HSDL2: variants seen among roughly 807,000 people sequenced by gnomAD.
The protein encoded by HSDL2 is hydroxysteroid dehydrogenase-like protein 2.
A neutral mutation model predicts 46.3 loss-of-function variants in HSDL2; 27 were observed. The ratio of observed to expected loss-of-function variants is 0.58; its 90% CI spans 0.43 to 0.80. HSDL2 has a LOEUF of 0.80. Ranked by LOEUF, HSDL2 falls within the 30% of genes least tolerant of loss-of-function variation. The probability of loss-of-function intolerance (pLI) is 0.00; values close to 1 mark genes in which losing one functional copy is unlikely to be tolerated. For synonymous variants in HSDL2, 153 were observed against 163.6 expected (o/e 0.94, Z 0.50); for missense variants, 451 against 502.7 (o/e 0.90, Z 0.98).
intron 1 of HSDL2, among the ~76,000 whole-genome samples, chr9:112,397,798 G>A (rs1035956409): frequency 1.6e-4 from 24 of 152,168 alleles, no homozygotes; most frequent in Non-Finnish European, 3.1e-4. Flanking sequence ...TCAGTACAAA[G>A]AGTCTGTAAT....
At chr9:112,449,958 T>C (rs1832843746) in intron 8 of HSDL2, among the ~76,000 whole-genome samples, 1 of 152,194 alleles carries the variant, frequency 6.6e-6, no homozygotes, top group African/African-American at 2.4e-5. Context: ...CTGCTTTCTT[T>C]GAGGTTGCTT....
At chr9:112,410,831 A>C (rs1313385073) in intron 4 of HSDL2, among the ~76,000 whole-genome samples, 1 of 152,132 alleles carries the variant, frequency 6.6e-6, no homozygotes, top group Non-Finnish European at 1.5e-5. Context: ...TAGGAAGCTG[A>C]AGTGGGGGGA....
At chr9:112,414,591 A>G (rs1325969198) in intron 4 of HSDL2, among the ~76,000 whole-genome samples, 1 of 123,814 alleles carries the variant, frequency 8.1e-6, no homozygotes, top group Non-Finnish European at 1.8e-5. Flanking sequence ...TGTCCCATAG[A>G]TCAAAGGAAA....
intron 9 of HSDL2, among the ~76,000 whole-genome samples, chr9:112,457,732 T>C (rs1833074911): frequency 6.6e-6 from 1 of 152,168 alleles, no homozygotes; most frequent in South Asian, 2.1e-4. Context: ...AACTAGCAGA[T>C]CATTCCTATA....
intron 10 of HSDL2, among the ~76,000 whole-genome samples, chr9:112,462,379 G>A (rs181201678): frequency 6.1e-4 from 92 of 151,522 alleles, no homozygotes; most frequent in Non-Finnish European, 1.1e-3. Flanking sequence ...CATAAGAATC[G>A]CCTGAACCTT....
At chr9:112,394,448 G>A (rs1013442055) in intron 1 of HSDL2, among the ~76,000 whole-genome samples, 4 of 152,162 alleles carry the variant, frequency 2.6e-5, no homozygotes, top group Admixed American at 1.3e-4. Context: ...CGCCAGAGGA[G>A]CAATTGTTTT....
intron 8 of HSDL2, among the ~76,000 whole-genome samples, chr9:112,445,785 A>G (rs1040718272): frequency 6.6e-6 from 1 of 152,186 alleles, no homozygotes. Context: ...TGGCCTCCCA[A>G]AGTGCTGGGA....
chr9:112,392,807 G>A (rs1831376132), intron 1 of HSDL2, among the ~76,000 whole-genome samples: 1 of 152,146 alleles, frequency 6.6e-6, no homozygotes, highest in Non-Finnish European at 1.5e-5. Context: ...GTGGTCCTGA[G>A]GTGACGTACA....
chr9:112,415,879 G>T (rs1016048266), intron 4 of HSDL2, among the ~76,000 whole-genome samples: 6 of 152,152 alleles, frequency 3.9e-5, no homozygotes, highest in Non-Finnish European at 8.8e-5. Flanking sequence ...TTGGCGGAGC[G>T]TGGGTGGATC....
At chr9:112,430,585 A>G (rs1832364974) in intron 6 of HSDL2, among the ~76,000 whole-genome samples, 6 of 152,176 alleles carry the variant, frequency 3.9e-5, no homozygotes, top group Admixed American at 3.9e-4. Flanking sequence ...GGGAACAGTT[A>G]GGAGGCTATT....
intron 8 of HSDL2, among the ~76,000 whole-genome samples, chr9:112,444,942 A>G (rs1453014323): frequency 6.7e-5 from 10 of 149,066 alleles, no homozygotes; most frequent in Non-Finnish European, 7.4e-5. Context: ...CAGTGGCTCG[A>G]TCATAGCCCA....
intron 6 of HSDL2, among the ~76,000 whole-genome samples, chr9:112,420,004 G>C (rs1832083458): frequency 6.6e-6 from 1 of 152,186 alleles, no homozygotes; most frequent in Non-Finnish European, 1.5e-5. Flanking sequence ...CCATGTACTA[G>C]TGGGTAATGC....
intron 6 of HSDL2, among the ~76,000 whole-genome samples, chr9:112,419,725 A>G (rs1408027858): frequency 6.6e-6 from 1 of 152,080 alleles, no homozygotes; most frequent in Non-Finnish European, 1.5e-5. Flanking sequence ...TTTCACATGA[A>G]TTCTTCTGAA....
At chr9:112,438,229 C>G (rs1832568413) in intron 6 of HSDL2, among the ~76,000 whole-genome samples, 1 of 152,156 alleles carries the variant, frequency 6.6e-6, no homozygotes, top group Non-Finnish European at 1.5e-5. Context: ...CAGTGCAAGA[C>G]TGTCTCAAAA....
At chr9:112,418,821 C>A in intron 5 of HSDL2, 39 bp from the exon 6 acceptor site, 3 of 1,170,794 alleles carry the variant, frequency 2.6e-6, no homozygotes, top group Admixed American at 2.3e-5. Context: ...AAATTAATTT[C>A]TTTTATAATT....
At chr9:112,410,604 T>C (rs1012747149) in intron 4 of HSDL2, among the ~76,000 whole-genome samples, 1 of 152,196 alleles carries the variant, frequency 6.6e-6, no homozygotes, top group African/African-American at 2.4e-5. Context: ...AAAACAAAAT[T>C]GTTTTCATTA....
At chr9:112,391,462 C>T (rs1831342195) in intron 1 of HSDL2, among the ~76,000 whole-genome samples, 1 of 151,766 alleles carries the variant, frequency 6.6e-6, no homozygotes, top group South Asian at 2.1e-4. Context: ...TACAGAAGAC[C>T]CAATCTCTAA....
intron 1 of HSDL2, among the ~76,000 whole-genome samples, chr9:112,398,567 T>C (rs1831514939): frequency 1.3e-5 from 2 of 151,844 alleles, no homozygotes; most frequent in Non-Finnish European, 2.9e-5. Flanking sequence ...AGGGAGAGGC[T>C]TGAGCAGATA....
intron 1 of HSDL2, among the ~76,000 whole-genome samples, chr9:112,401,680 G>A (rs1261707203): frequency 6.6e-6 from 1 of 151,656 alleles, no homozygotes; most frequent in Non-Finnish European, 1.5e-5. Context: ...AAAAACAAGG[G>A]AGTGCATAAC....
Sources: gnomAD v4.1 joint callset for allele counts (sites outside exome capture counted in the v4.1 genomes callset) on GRCh38, gnomAD v4.1.1 for gene constraint, MANE v1.5 for transcripts, NCBI Gene and HGNC (gene_info 2026-07-23, HGNC 2026-07-21) for gene names.